The following RALGAPA1 variants were observed in gnomAD, a reference collection of about 807,000 sequenced individuals.
RALGAPA1 encodes Ral GTPase activating protein catalytic subunit alpha 1, also known as ral GTPase-activating protein subunit alpha-1.
RALGAPA1 carries 52 observed loss-of-function variants against 269.6 expected under a neutral mutation model. That is an observed-to-expected ratio of 0.19 (90% CI 0.15 to 0.24). The LOEUF (loss-of-function observed/expected upper bound fraction) is 0.24, where lower values mean the gene tolerates loss of function less well. RALGAPA1 is among the 10% of genes least tolerant of loss of function. RALGAPA1 has a pLI of 1.00. For missense variants in RALGAPA1, 1,917 were observed against 3,013.9 expected, an observed-to-expected ratio of 0.64 and a Z score of 8.52; for synonymous variants, 817 against 1,008.3, an observed-to-expected ratio of 0.81 and a Z score of 3.60.
At chr14:35,639,005 G>A (rs2061837776) in intron 31 of RALGAPA1, among the ~76,000 whole-genome samples, 1 of 151,850 alleles carries the variant, frequency 6.6e-6, no homozygotes, top group East Asian at 1.9e-4. Context: ...AAAAGAGAGA[G>A]TGGCTGAACA....
intron 33 of RALGAPA1, 117 bp from the exon 34 acceptor site, chr14:35,628,068 G>C (rs539057910): frequency 1.7e-6 from 2 of 1,188,216 alleles, no homozygotes; most frequent in South Asian, 3.2e-5. Flanking sequence ...TTCCAGTTTA[G>C]ATTCCATAAT....
intron 3 of RALGAPA1, among the ~76,000 whole-genome samples, chr14:35,771,540 A>T (rs958310331): frequency 1.3e-5 from 2 of 152,250 alleles, no homozygotes; most frequent in Non-Finnish European, 2.9e-5. Context: ...ACTAACCAGT[A>T]CTTAGAACAA....
intron 4 of RALGAPA1, among the ~76,000 whole-genome samples, chr14:35,769,065 T>TACAC (rs1555434158): frequency 5.1e-5 from 4 of 77,794 alleles, no homozygotes; most frequent in African/African-American, 1.8e-4. Flanking sequence ...TATATATATA[T>TACAC]ACACACACAT....
intron 35 of RALGAPA1, among the ~76,000 whole-genome samples, chr14:35,613,429 T>C (rs1211873196): frequency 6.6e-6 from 1 of 152,226 alleles, no homozygotes; most frequent in African/African-American, 2.4e-5. Context: ...ATTATTTTCC[T>C]AGGGTTTCTG....
At chr14:35,540,298 C>A (rs1327033601) in intron 41 of RALGAPA1, among the ~76,000 whole-genome samples, 1 of 152,122 alleles carries the variant, frequency 6.6e-6, no homozygotes, top group Non-Finnish European at 1.5e-5. Context: ...GAATTCTCCT[C>A]TGAATGTCAG....
At chr14:35,579,518 G>T (rs2139590601) in intron 37 of RALGAPA1, among the ~76,000 whole-genome samples, 1 of 149,212 alleles carries the variant, frequency 6.7e-6, no homozygotes, top group Non-Finnish European at 1.5e-5. Context: ...TGAGTCAGGA[G>T]AATCGCTTGA....
At chr14:35,699,369 A>G (rs28605151) in intron 17 of RALGAPA1, among the ~76,000 whole-genome samples, 18,480 of 152,100 alleles carry the variant, frequency 0.12, 1,183 homozygotes, top group South Asian at 0.14. Context: ...GAGGTAGTGG[A>G]AGTGTCCTAT....
chr14:35,659,955 A>T (rs527271967), intron 27 of RALGAPA1, among the ~76,000 whole-genome samples: 7 of 152,100 alleles, frequency 4.6e-5, no homozygotes, highest in African/African-American at 1.4e-4. Flanking sequence ...AAAATATAAA[A>T]TTTTTTTGCA....
rs745946615 is a variant in RALGAPA1, at chr14:35,752,079, C to T, written c.747G>A (p.Leu249=). 9.5e-6 allele frequency: 15 copies of T among 1,585,798 alleles called. No homozygotes were observed. In the East Asian group the frequency reaches 2.3e-4, roughly 24 times the overall value. ...TACAGATGTTTGGAAAAATATAAGG[C>T]AAGTAATATTTCTTAAAATGTGAAA... ...FLFSHFKKYY[L]PYIFPNICKE... Residue 249 remains leucine, a synonymous_variant, in exon 8 of 42, where the codon TTG becomes TTA. Coordinates refer to ENST00000680220, the MANE Select transcript of RALGAPA1 (RefSeq NM_001346249.2).
At chr14:35,600,288 T>G (rs1331626411) in intron 36 of RALGAPA1, among the ~76,000 whole-genome samples, 1 of 143,086 alleles carries the variant, frequency 7.0e-6, no homozygotes, top group Non-Finnish European at 1.5e-5. Flanking sequence ...TGGAGAGCAG[T>G]GACATGATCT....
intron 28 of RALGAPA1, among the ~76,000 whole-genome samples, chr14:35,656,702 C>T (rs2063197031): frequency 6.6e-6 from 1 of 152,186 alleles, no homozygotes; most frequent in Admixed American, 6.5e-5. Flanking sequence ...AATGCAGATT[C>T]TTCTTCCTTA....
Position 35,635,554 on chromosome 14 carries a change from G to C in RALGAPA1, c.5721C>G (p.Ala1907=). ...LLLCLLDWIM[A]LPLKTLLQPF... ...GTTGGAGCAGTGTCTTTAGAGGTAA[G>C]GCCATGATCCAGTCCAGAAGGCAGA... is the stretch of plus-strand genomic sequence containing the variant. Residue 1907 remains alanine, a synonymous_variant, in exon 32 of 42, where the codon GCC becomes GCG. Coordinates refer to ENST00000680220, the MANE Select transcript of RALGAPA1 (RefSeq NM_001346249.2). 6.2e-7 allele frequency: 1 copy of C among 1,605,874 alleles called. No individual in the cohort carries two copies. The highest frequency in any genetic ancestry group is 8.5e-7 in the Non-Finnish European group (1 of 1,176,030).
intron 1 of RALGAPA1, among the ~76,000 whole-genome samples, chr14:35,806,452 C>A (rs991757549): frequency 3.9e-5 from 6 of 152,046 alleles, no homozygotes; most frequent in Non-Finnish European, 7.4e-5. Context: ...ATCAATTATG[C>A]AACAGTATCA....
chr14:35,675,905 A>G (rs1007758891), intron 22 of RALGAPA1, among the ~76,000 whole-genome samples: 30 of 152,298 alleles, frequency 2.0e-4, no homozygotes, highest in African/African-American at 7.2e-4. Flanking sequence ...TTCTTAGTAC[A>G]TGTACATTCT....
At chr14:35,756,235 T>TC (rs1404761589) in intron 7 of RALGAPA1, 2 of 152,242 alleles carry the variant, frequency 1.3e-5, no homozygotes, top group Non-Finnish European at 2.9e-5. Flanking sequence ...CCTAAGAGTG[T>TC]CATCATCCCT....
At chr14:35,799,477 G>A (rs1350257366) in intron 1 of RALGAPA1, among the ~76,000 whole-genome samples, 7 of 151,460 alleles carry the variant, frequency 4.6e-5, no homozygotes, top group African/African-American at 1.5e-4. Context: ...CAGGAGAATC[G>A]CTCTAACCTG....
intron 10 of RALGAPA1, among the ~76,000 whole-genome samples, chr14:35,745,503 T>G (rs1432580450): frequency 6.6e-6 from 1 of 151,704 alleles, no homozygotes; most frequent in East Asian, 1.9e-4. Flanking sequence ...CAGTGGCTCA[T>G]GCCTGTAATC....
intron 37 of RALGAPA1, among the ~76,000 whole-genome samples, chr14:35,585,904 C>T (rs1047480335): frequency 6.6e-6 from 1 of 152,144 alleles, no homozygotes; most frequent in Non-Finnish European, 1.5e-5. Flanking sequence ...CAGCTTTGTT[C>T]TTTTTGCTTA....
chr14:35,595,009 G>C (rs2058844038), intron 37 of RALGAPA1, among the ~76,000 whole-genome samples: 1 of 151,740 alleles, frequency 6.6e-6, no homozygotes, highest in South Asian at 2.1e-4. Context: ...GGACTTGGAG[G>C]ACACTATGTG....
Sources: allele counts gnomAD v4.1 joint callset (sites outside exome capture counted in the v4.1 genomes callset), GRCh38; gene constraint gnomAD v4.1.1; transcripts MANE v1.5; gene names NCBI Gene and HGNC (gene_info 2026-07-23, HGNC 2026-07-21).